The following CUL9 variants were observed in gnomAD, a reference collection of about 807,000 sequenced individuals.
The protein encoded by CUL9 is cullin 9, also known as cullin-9.
CUL9 carries 79 observed loss-of-function variants against 272.6 expected under a neutral mutation model. That is an observed-to-expected ratio of 0.29 (90% CI 0.24 to 0.35). The LOEUF is 0.35. Ranked by LOEUF, CUL9 falls within the 10% of genes least tolerant of loss-of-function variation. The pLI is 1.00. For missense variants in CUL9, 2,532 were observed against 3,255.6 expected (o/e 0.78, Z 5.41); for synonymous variants, 1,186 against 1,286.5 (o/e 0.92, Z 1.67).
At position 43,221,416 on chromosome 6, in the gene CUL9, A is replaced by C. The variant is rs1776357162; in HGVS notation, c.6752+95A>C. ...GAACGGGCTTAGTGTAAAGCTCAGCAAAAGAGGGTGGTTCCTCAGCCGCCC... is the reference window on the plus strand; with the variant it reads ...GAACGGGCTTAGTGTAAAGCTCAGCCAAAGAGGGTGGTTCCTCAGCCGCCC... On this transcript the variant is annotated intron_variant, in intron 34 of 40. Coordinates refer to ENST00000252050, the MANE Select transcript of CUL9 (RefSeq NM_015089.4). This position sits in a 1 kb window ranked among gnomAD's most constrained non-coding sequence, Gnocchi z 4.2. The C allele has an allele frequency of 7.0e-7, 1 of 1,418,690 alleles. No individual in the cohort carries two copies. The highest frequency in any genetic ancestry group is 1.4e-5 in the African/African-American group (1 of 69,884). The allele number at this position is 1,418,690 out of a possible 1,614,324, so 87.9% of individuals were successfully genotyped here.
intron 8 of CUL9, among the ~76,000 whole-genome samples, chr6:43,192,500 G>A (rs1243798862): frequency 2.6e-5 from 4 of 152,124 alleles, no homozygotes; most frequent in Admixed American, 2.0e-4. Flanking sequence ...GCGAAACCCC[G>A]TCTCTACTGA....
At chr6:43,196,524 T>C in intron 10 of CUL9, 121 bp from the exon 11 acceptor site, 1 of 963,300 alleles carries the variant, frequency 1.0e-6, no homozygotes, top group South Asian at 1.3e-5. Context: ...TCAGATGTCC[T>C]GGCTCAGAGG....
chr6:43,188,151 C>T, intron 7 of CUL9, 33 bp downstream of exon 7: 3 of 1,611,306 alleles, frequency 1.9e-6, no homozygotes, highest in Non-Finnish European at 2.5e-6. Context: ...GCAATTGGAA[C>T]AAGTCCTGGG....
chr6:43,186,447 C>G lies in CUL9; in HGVS notation c.1243C>G (p.Pro415Ala), dbSNP rs759560430. The G allele has an allele frequency of 1.3e-5, 20 of 1,590,312 alleles. No individual in the cohort carries two copies. The South Asian group carries it at 2.2e-4, about 17-fold the overall frequency. ...EFRQSNNGIP[P>A]VQVFWQSTGR... Reference sequence around the variant, plus strand: ...CCGGCAGAGCAACAACGGCATTCCCCCTGTGCAGGTGGGCAGCACATGGTG... The same window carrying G: ...CCGGCAGAGCAACAACGGCATTCCCGCTGTGCAGGTGGGCAGCACATGGTG... Residue 415 changes from proline (P) to alanine (A), a missense_variant, in exon 4 of 41, where the codon CCT becomes GCT. Coordinates refer to ENST00000252050, the MANE Select transcript of CUL9 (RefSeq NM_015089.4).
In CUL9 at chr6:43,221,347, C is replaced by T. The variant is rs777323700; in HGVS notation, c.6752+26C>T. ...GTAAGAAGGGGGGTACTGTGGGGAG[C>T]CAGAGGGCAAGGAGGGGGGAGGAGG... is the stretch of plus-strand genomic sequence containing the variant. On this transcript the variant is annotated intron_variant, in intron 34 of 40. Coordinates refer to ENST00000252050, the MANE Select transcript of CUL9 (RefSeq NM_015089.4). The surrounding 1 kb of genome is among the most constrained non-coding windows in gnomAD (Gnocchi z 4.2). 9.5e-6 allele frequency: 15 copies of T among 1,573,724 alleles called. No individual in the cohort carries two copies. In the African/African-American group the frequency reaches 1.5e-4, roughly 16 times the overall value.
At chr6:43,222,490 G>A (rs1170279959) in intron 36 of CUL9, 41 bp from the exon 37 acceptor site, 2 of 1,610,246 alleles carry the variant, frequency 1.2e-6, no homozygotes, top group African/African-American at 2.7e-5. Context: ...AGGTGGTGCT[G>A]CGCCACCTGT....
In CUL9 at chr6:43,206,625, G is replaced by A; in HGVS notation, c.5212+115G>A. 1.1e-6 allele frequency: 1 copy of A among 871,334 alleles called. No individual in the cohort carries two copies. Among genetic ancestry groups the A allele is most frequent in the Non-Finnish European group, 1.8e-6 (1 of 561,776 alleles). 54.0% of individuals were successfully genotyped at this position (871,334 alleles called of 1,614,324 possible). A position where few individuals can be genotyped will look rare whatever the true frequency, so the allele number is the denominator to read the frequency against. ...ATGTGAAGAAAAATATCAGCTCCTA[G>A]CGAGGGATGAGAAAGCATGGGTTGT... On this transcript the variant is annotated intron_variant, in intron 26 of 40. Coordinates refer to ENST00000252050, the MANE Select transcript of CUL9 (RefSeq NM_015089.4). This position sits in a 1 kb window ranked among gnomAD's most constrained non-coding sequence, Gnocchi z 4.8.
chr6:43,195,931 C>A, intron 9 of CUL9, 138 bp from the exon 10 acceptor site: 1 of 629,574 alleles, frequency 1.6e-6, no homozygotes, highest in Non-Finnish European at 2.8e-6. Context: ...CCCATCACTA[C>A]CTCTTCCATT....
intron 8 of CUL9, among the ~76,000 whole-genome samples, chr6:43,190,784 T>C (rs932616758): frequency 5.9e-5 from 9 of 152,226 alleles, no homozygotes; most frequent in African/African-American, 1.9e-4. Context: ...TTCTGTGTTC[T>C]TTCCCCTCGT....
In CUL9 at chr6:43,204,826, C is replaced by T. The variant is rs1357286500; in HGVS notation, c.4418C>T (p.Thr1473Ile). 6.2e-7 allele frequency: 1 copy of T among 1,614,218 alleles called. No individual in the cohort carries two copies. Among genetic ancestry groups the T allele is most frequent in the Non-Finnish European group, 8.5e-7 (1 of 1,180,042 alleles). Residue 1473 changes from threonine (T) to isoleucine (I), a missense_variant, in exon 22 of 41, where the codon ACC becomes ATC. By Grantham distance (89) the Thr-to-Ile change is moderately conservative (BLOSUM62 -1). Transcript: ENST00000252050. ...VLPSSSLRNITQCWLSVVQEQ... is the reference protein window; with the variant it reads ...VLPSSSLRNIIQCWLSVVQEQ... ...CCAAGCAGCAGCCTGAGGAACATAACCCAGTGCTGGCTGAGCGTGGTGCAG... is the reference window on the plus strand; with the variant it reads ...CCAAGCAGCAGCCTGAGGAACATAATCCAGTGCTGGCTGAGCGTGGTGCAG...
rs775681503 is a variant in CUL9, at chr6:43,205,368, C to G, written c.4738C>G (p.Pro1580Ala). 6.2e-7 allele frequency: 1 copy of G among 1,614,056 alleles called. No individual in the cohort carries two copies. Among genetic ancestry groups the G allele is most frequent in the African/African-American group, 1.3e-5 (1 of 74,916 alleles). Reference sequence around the variant, plus strand: ...GGGGCAGCTTCAGCGGCACCTGGAACCCATTATGGTCCTTTCTGGTCTGGA... The same window carrying G: ...GGGGCAGCTTCAGCGGCACCTGGAAGCCATTATGGTCCTTTCTGGTCTGGA... ...MLGQLQRHLEPIMVLSGLELA... is the reference protein window; with the variant it reads ...MLGQLQRHLEAIMVLSGLELA... Residue 1580 changes from proline to alanine, a missense_variant, in exon 24 of 41, where the codon CCC becomes GCC. Physicochemically the swap from Pro to Ala is conservative, Grantham distance 27. Around this residue, in one of 3 missense-constraint regions of CUL9, gnomAD observed 2,218 missense variants for 2,788.6 expected, o/e 0.80. Transcript: ENST00000252050.
At chr6:43,188,976 T>C in intron 8 of CUL9, 1 of 336,372 alleles carries the variant, frequency 3.0e-6, no homozygotes, top group Admixed American at 4.4e-5. Flanking sequence ...GTTGGTAATA[T>C]TATTATCCTA....
In CUL9 at chr6:43,196,077, G is replaced by C; in HGVS notation, c.2397G>C (p.Lys799Asn). 1 of 1,612,286 alleles carries C rather than the reference G, an allele frequency of 6.2e-7. No homozygotes were observed. The highest frequency in any genetic ancestry group is 1.3e-5 in the African/African-American group (1 of 75,002). Reference sequence around the variant, plus strand: ...TCACATCCCCCTCACAGGCACTGAAGATGCTGGCCGTCGCCAGCTCCTCGG... The same window carrying C: ...TCACATCCCCCTCACAGGCACTGAACATGCTGGCCGTCGCCAGCTCCTCGG... ...LVQQAGLAAL[K>N]MLAVASSSEI... The change falls in exon 10 of 41, where the codon AAG (lysine) becomes AAC (asparagine). Residue 799 changes from lysine (K) to asparagine (N), a missense_variant. Around this residue, in one of 3 missense-constraint regions of CUL9, gnomAD observed 2,218 missense variants for 2,788.6 expected, o/e 0.80. Coordinates refer to ENST00000252050, the MANE Select transcript of CUL9 (RefSeq NM_015089.4).
intron 8 of CUL9, among the ~76,000 whole-genome samples, chr6:43,190,636 A>G (rs756301004): frequency 2.6e-5 from 4 of 152,214 alleles, no homozygotes; most frequent in Non-Finnish European, 5.9e-5. Flanking sequence ...TGTATTACCC[A>G]TGTATATTAT....
chr6:43,224,073 A>C lies in CUL9; in HGVS notation c.7285-22A>C, dbSNP rs776318222. ...CCCCATGCCCTCTACCTCCTTCTCA[A>C]ATCCTTCTGTCTGCTCACCAGGATT... On this transcript the variant is annotated intron_variant, in intron 39 of 40. Coordinates refer to ENST00000252050, the MANE Select transcript of CUL9 (RefSeq NM_015089.4). This position sits in a 1 kb window ranked among gnomAD's most constrained non-coding sequence, Gnocchi z 4.2. The C allele has an allele frequency of 6.2e-7, 1 of 1,613,728 alleles. No individual in the cohort carries two copies. The highest frequency in any genetic ancestry group is 8.5e-7 in the Non-Finnish European group (1 of 1,179,632).
intron 5 of CUL9, 21 bp from the exon 6 acceptor site, chr6:43,187,225 C>T (rs1773016534): frequency 6.2e-7 from 1 of 1,611,454 alleles, no homozygotes; most frequent in Non-Finnish European, 8.5e-7. Context: ...GTGCTGATGC[C>T]CGCCATGCCT....
chr6:43,204,122 C>A (rs1377325728), intron 20 of CUL9, 135 bp downstream of exon 20: 11 of 1,219,122 alleles, frequency 9.0e-6, no homozygotes, highest in African/African-American at 1.5e-5. Flanking sequence ...TTCCTCTCTC[C>A]TTCCTGCCCC....
chr6:43,216,687 CTCTAAAGGG>C (rs910980882), intron 31 of CUL9, among the ~76,000 whole-genome samples, 184 bp downstream of exon 31: 1 of 152,232 alleles, frequency 6.6e-6, no homozygotes, highest in African/African-American at 2.4e-5. Flanking sequence ...TGCCTTGACA[CTCTAAAGGG>C]TGGTGGTTGG....
At chr6:43,191,252 T>G (rs1312867428) in intron 8 of CUL9, among the ~76,000 whole-genome samples, 1 of 126,972 alleles carries the variant, frequency 7.9e-6, no homozygotes, top group Non-Finnish European at 1.6e-5. Context: ...CTAAATTGCA[T>G]TGTGTGTGTG....
Sources: gnomAD v4.1 joint callset for allele counts (sites outside exome capture counted in the v4.1 genomes callset) on GRCh38, gnomAD v4.1.1 for gene constraint, gnomAD v4.1.1 regional missense constraint, Gnocchi (gnomAD v3.1) non-coding constraint, MANE v1.5 for transcripts, NCBI Gene and HGNC (gene_info 2026-07-23, HGNC 2026-07-21) for gene names.